Variants in PRR14L observed in about 807,000 individuals in gnomAD.
The protein encoded by PRR14L is proline rich 14 like, also known as protein PRR14L.
In PRR14L, 80 loss-of-function variants were observed where a neutral mutation model predicts 155.0. The observed-to-expected ratio is 0.52, with a 90% CI of 0.43 to 0.62. The LOEUF is 0.62. PRR14L is among the 20% of genes least tolerant of loss of function. The pLI is 0.00. For synonymous variants in PRR14L, 883 were observed against 916.0 expected (o/e 0.96, Z 0.65); for missense variants, 2,469 against 2,548.0 (o/e 0.97, Z 0.67).
intron 1 of PRR14L, among the ~76,000 whole-genome samples, chr22:31,743,247 A>C (rs2074821859): frequency 6.6e-6 from 1 of 152,050 alleles, no homozygotes; most frequent in African/African-American, 2.4e-5. Context: ...GGGTGCAGTG[A>C]GCCGAGATTG....
chr22:31,704,431 C>CTTTT, intron 5 of PRR14L: 1 of 333,618 alleles, frequency 3.0e-6, no homozygotes, highest in Non-Finnish European at 5.5e-6. Context: ...GTGATTTTCA[C>CTTTT]TTTTTTTTTT....
At chr22:31,732,416 C>T (rs1356107779) in intron 2 of PRR14L, among the ~76,000 whole-genome samples, 1 of 152,180 alleles carries the variant, frequency 6.6e-6, no homozygotes, top group Non-Finnish European at 1.5e-5. Flanking sequence ...TGCTAAACAC[C>T]TGCTTTCCTT....
At chr22:31,704,450 T>C (rs2074579075) in intron 5 of PRR14L, 2 of 400,784 alleles carry the variant, frequency 5.0e-6, no homozygotes, top group African/African-American at 4.2e-5. Flanking sequence ...TTTTAACAAA[T>C]TGTATTATTA....
rs760231795 is a variant in PRR14L, at chr22:31,685,719, T to C, written c.6264A>G (p.Leu2088=). 3.3e-5 allele frequency: 51 copies of C among 1,551,718 alleles called. No homozygotes were observed. In the African/African-American group the frequency reaches 6.0e-4, roughly 18 times the overall value. Residue 2088 remains leucine (L), a synonymous_variant, in exon 9 of 9, where the codon CTA becomes CTG. Transcript: ENST00000327423. ...GCGGGACTGTAAAATCCTGAAATTC[T>C]AGAACTCGCTTCCTCTTCTGTTGGC... The part of the protein sequence containing the change: ...SISQQKRKRV[L]EFQDFTVPRK...
chr22:31,722,524 G>GTTT (rs1227976831), intron 3 of PRR14L, among the ~76,000 whole-genome samples: 1 of 138,212 alleles, frequency 7.2e-6, no homozygotes, highest in Admixed American at 7.3e-5. Context: ...GCATCATTCA[G>GTTT]TTTTTTTTTT....
chr22:31,704,907 G>C (rs1211654715), intron 4 of PRR14L, among the ~76,000 whole-genome samples, 181 bp from the exon 5 acceptor site: 4 of 152,198 alleles, frequency 2.6e-5, no homozygotes, highest in African/African-American at 9.6e-5. Context: ...CACTGGAATG[G>C]AGGCAGACTG....
chr22:31,748,982 T>G (rs1225537030), intron 1 of PRR14L, among the ~76,000 whole-genome samples: 1 of 152,192 alleles, frequency 6.6e-6, no homozygotes. Context: ...GGTTGAACAC[T>G]TGTGATGGAG....
Position 31,712,628 on chromosome 22 carries a change from A to G in PRR14L, c.5211T>C (p.Thr1737=), listed in dbSNP as rs1260250197. 1.3e-5 allele frequency: 20 copies of G among 1,551,628 alleles called. No homozygotes were observed. The highest frequency in any genetic ancestry group is 2.4e-5 in the East Asian group (1 of 40,936). ...SSDCTTESSR[T]FPEHCAPARL... Reference sequence around the variant, plus strand: ...TTGCCGGAGCACAGTGCTCAGGAAAAGTCCTTGAGGACTCAGTCGTGCAAT... The same window carrying G: ...TTGCCGGAGCACAGTGCTCAGGAAAGGTCCTTGAGGACTCAGTCGTGCAAT... The change falls in exon 4 of 9, where the codon ACT becomes ACC. Residue 1737 remains threonine (T), a synonymous_variant. Coordinates refer to ENST00000327423, the MANE Select transcript of PRR14L (RefSeq NM_173566.3).
intron 7 of PRR14L, among the ~76,000 whole-genome samples, chr22:31,688,797 T>C (rs568503840): frequency 1.2e-3 from 180 of 152,210 alleles, no homozygotes; most frequent in African/African-American, 4.1e-3. Flanking sequence ...TGTTCTTTTT[T>C]GTTTTTTTCT....
rs1385054558 is a variant in PRR14L, at chr22:31,714,400, T to C, written c.3439A>G (p.Lys1147Glu). Reference protein sequence around the residue: ...CRSLKDCEMEKCPDSCAHEME... With the variant: ...CRSLKDCEMEECPDSCAHEME... Reference sequence around the variant, plus strand: ...TCATGGGCACAAGAGTCTGGACACTTTTCCATTTCACAGTCTTTTAAAGAT... The same window carrying C: ...TCATGGGCACAAGAGTCTGGACACTCTTCCATTTCACAGTCTTTTAAAGAT... Residue 1147 changes from lysine to glutamate, a missense_variant, in exon 4 of 9, where the codon AAG (lysine) becomes GAG (glutamate). Lys to Glu is a moderately conservative substitution (Grantham distance 56). Transcript: ENST00000327423. 6 of 1,551,556 alleles carry C rather than the reference T, an allele frequency of 3.9e-6. No individual in the cohort carries two copies. Among genetic ancestry groups the C allele is most frequent in the African/African-American group, 1.4e-5 (1 of 73,032 alleles).
intron 7 of PRR14L, among the ~76,000 whole-genome samples, chr22:31,690,985 A>AC (rs2074508604): frequency 7.3e-6 from 1 of 137,858 alleles, no homozygotes; most frequent in Admixed American, 7.7e-5. Flanking sequence ...TTTTTTTGAG[A>AC]CCAAGTCTCA....
Position 31,716,937 on chromosome 22 carries a change from T to G in PRR14L, c.902A>C (p.Lys301Thr), listed in dbSNP as rs1569499075. ...NVDNGKEELC[K>T]PNLVCEADDN... ...ATCTGCTTCACAGACCAGGTTTGGT[T>G]TACACAACTCTTCCTTCCCATTGTC... is the stretch of plus-strand genomic sequence containing the variant. The change falls in exon 4 of 9, where the codon AAA becomes ACA. Residue 301 changes from lysine (K) to threonine (T), a missense_variant. By Grantham distance (78) the Lys-to-Thr change is moderately conservative. Transcript: ENST00000327423. The G allele has an allele frequency of 6.4e-7, 1 of 1,552,032 alleles. No individual in the cohort carries two copies.
chr22:31,732,698 T>C (rs771661517), intron 2 of PRR14L, among the ~76,000 whole-genome samples: 12 of 152,304 alleles, frequency 7.9e-5, no homozygotes, highest in East Asian at 5.8e-4. Context: ...CAATAAACTG[T>C]AGCTGTGAGA....
chr22:31,700,335 A>G (rs1175308413), intron 7 of PRR14L, among the ~76,000 whole-genome samples: 2 of 152,254 alleles, frequency 1.3e-5, no homozygotes, highest in Non-Finnish European at 2.9e-5. Context: ...AGTAATAAAT[A>G]CTACCCGATC....
chr22:31,716,890 C>T lies in PRR14L; in HGVS notation c.949G>A (p.Gly317Ser), dbSNP rs143362308. Reference sequence around the variant, plus strand: ...GAACTGGGTTGTTCATTATGGTGGCCATGAAGCTGTTGGTGATTGTCATCT... The same window carrying T: ...GAACTGGGTTGTTCATTATGGTGGCTATGAAGCTGTTGGTGATTGTCATCT... Reference protein sequence around the residue: ...EADDNHQQLHGHHNEQPSSTH... With the variant: ...EADDNHQQLHSHHNEQPSSTH... Residue 317 changes from glycine (G) to serine (S), a missense_variant, in exon 4 of 9, where the codon GGC (glycine) becomes AGC (serine). Physicochemically the swap from Gly to Ser is moderately conservative, Grantham distance 56. Transcript: ENST00000327423. 392 of 1,551,812 alleles carry T rather than the reference C, an allele frequency of 2.5e-4. 1 individual carries two copies. In the Middle Eastern group the frequency reaches 2.7e-3, roughly 11 times the overall value.
chr22:31,711,975 C>T (rs1827026525), intron 4 of PRR14L, 108 bp downstream of exon 4: 6 of 1,052,262 alleles, frequency 5.7e-6, no homozygotes, highest in East Asian at 2.4e-5. Context: ...AAAATGCAGA[C>T]CCAAGAGGAC....
Position 31,713,545 on chromosome 22 carries a change from T to A in PRR14L, c.4294A>T (p.Asn1432Tyr), listed in dbSNP as rs758789407. 9 of 1,552,180 alleles carry A rather than the reference T, an allele frequency of 5.8e-6. No individual in the cohort carries two copies. The South Asian group carries it at 1.1e-4, about 18-fold the overall frequency. Residue 1432 changes from asparagine (N) to tyrosine (Y), a missense_variant, in exon 4 of 9, where the codon AAC (asparagine) becomes TAC (tyrosine). Around this residue, in one of 2 missense-constraint regions of PRR14L, gnomAD observed 2,363 missense variants for 2,371.6 expected, o/e 1.00. Transcript: ENST00000327423. ...SLLLDDAQNQ[N>Y]QPKADKDEST... is the part of the protein sequence containing the mutation. ...TCATCTTTGTCAGCCTTCGGTTGGT[T>A]CTGATTTTGTGCATCATCTAACAAC...
Position 31,713,570 on chromosome 22 carries a change from C to T in PRR14L, c.4269G>A (p.Leu1423=). ...TCTGATTTTGTGCATCATCTAACAA[C>T]AGACTAGATGATATGCACTGTTGCG... ...TISQQCISSS[L]LLDDAQNQNQ... Residue 1423 remains leucine, a synonymous_variant, in exon 4 of 9, where the codon CTG becomes CTA. Transcript: ENST00000327423. 6.4e-7 allele frequency: 1 copy of T among 1,552,080 alleles called. No individual in the cohort carries two copies. The highest frequency in any genetic ancestry group is 8.7e-7 in the Non-Finnish European group (1 of 1,147,056).
chr22:31,733,247 C>T (rs116222351), intron 2 of PRR14L, among the ~76,000 whole-genome samples: 2,158 of 148,618 alleles, frequency 0.015, 56 homozygotes, highest in African/African-American at 0.052. Context: ...CCACCCATTT[C>T]GTACTCGCAA....
Sources: gnomAD v4.1 joint callset for allele counts (sites outside exome capture counted in the v4.1 genomes callset) on GRCh38, gnomAD v4.1.1 for gene constraint, gnomAD v4.1.1 regional missense constraint, MANE v1.5 for transcripts, NCBI Gene and HGNC (gene_info 2026-07-23, HGNC 2026-07-21) for gene names.